The following DPP10 variants were observed in gnomAD, a reference collection of about 807,000 sequenced individuals.
DPP10 encodes the protein dipeptidyl peptidase like 10, also known as inactive dipeptidyl peptidase 10.
In DPP10, 33 loss-of-function variants were observed where a neutral mutation model predicts 120.9. The ratio of observed to expected loss-of-function variants is 0.27; its 90% CI spans 0.21 to 0.37. The LOEUF (loss-of-function observed/expected upper bound fraction) is 0.37, where lower values mean the gene tolerates loss of function less well. DPP10 is among the 10% of genes least tolerant of loss of function. DPP10 has a pLI of 1.00. For missense variants in DPP10, 816 were observed against 942.8 expected, an observed-to-expected ratio of 0.87 and a Z score of 1.76; for synonymous variants, 337 against 326.1, an observed-to-expected ratio of 1.03 and a Z score of -0.36.
chr2:115,529,985 G>A (rs1414741028), intron 5 of DPP10, among the ~76,000 whole-genome samples: 1 of 151,958 alleles, frequency 6.6e-6, no homozygotes, highest in African/African-American at 2.4e-5. Flanking sequence ...GGACAAAATA[G>A]GGCACAAACT....
At chr2:115,450,463 T>A (rs1427158103) in intron 3 of DPP10, among the ~76,000 whole-genome samples, 1 of 151,916 alleles carries the variant, frequency 6.6e-6, no homozygotes, top group Non-Finnish European at 1.5e-5. Flanking sequence ...TCAACTGAGA[T>A]TTTTTTATTG....
At chr2:115,259,148 C>G (rs1045511180) in intron 1 of DPP10, among the ~76,000 whole-genome samples, 4 of 152,126 alleles carry the variant, frequency 2.6e-5, no homozygotes, top group Admixed American at 2.6e-4. Flanking sequence ...GAATTCCAAT[C>G]ATCCTGCCTA....
intron 8 of DPP10, among the ~76,000 whole-genome samples, chr2:115,739,387 A>T (rs1452527716): frequency 6.6e-6 from 1 of 152,056 alleles, no homozygotes. Flanking sequence ...ATATGATTAC[A>T]TGCAAATGTG....
intron 3 of DPP10, among the ~76,000 whole-genome samples, chr2:115,363,168 T>G (rs1382194057): frequency 6.6e-6 from 1 of 152,214 alleles, no homozygotes; most frequent in East Asian, 1.9e-4. Context: ...GTATATATTT[T>G]TCCCTTCTCC....
intron 1 of DPP10, among the ~76,000 whole-genome samples, chr2:114,903,632 G>A (rs1421167276): frequency 1.3e-5 from 2 of 152,146 alleles, no homozygotes; most frequent in Non-Finnish European, 1.5e-5. Context: ...AGATGAATTT[G>A]GGGAGAATTG....
At chr2:114,986,167 A>G (rs1165139382) in intron 1 of DPP10, among the ~76,000 whole-genome samples, 1 of 152,224 alleles carries the variant, frequency 6.6e-6, no homozygotes, top group Non-Finnish European at 1.5e-5. Context: ...AAAATAATCA[A>G]ATGGTAAAAT....
intron 8 of DPP10, among the ~76,000 whole-genome samples, chr2:115,731,067 A>C (rs957890151): frequency 6.6e-6 from 1 of 152,264 alleles, no homozygotes; most frequent in South Asian, 2.1e-4. Context: ...TCTACTAAAA[A>C]TACAAAAAAA....
At chr2:115,652,407 ATATG>A (rs1041945226) in intron 5 of DPP10, among the ~76,000 whole-genome samples, 10 of 117,124 alleles carry the variant, frequency 8.5e-5, no homozygotes, top group African/African-American at 2.0e-4. Flanking sequence ...AATAGGATAT[ATATG>A]TGTGTGTGTG....
intron 1 of DPP10, among the ~76,000 whole-genome samples, chr2:114,629,361 T>C (rs771538464): frequency 5.9e-5 from 9 of 152,236 alleles, no homozygotes; most frequent in East Asian, 3.9e-4. Flanking sequence ...AAAATCAAAG[T>C]GATAACATGT....
intron 1 of DPP10, among the ~76,000 whole-genome samples, chr2:114,985,416 T>G (rs370928259): frequency 6.6e-6 from 1 of 152,230 alleles, no homozygotes; most frequent in Non-Finnish European, 1.5e-5. Flanking sequence ...TAAATTATCT[T>G]GCGTACTTAT....
At chr2:114,775,620 T>A (rs1681656095) in intron 1 of DPP10, among the ~76,000 whole-genome samples, 1 of 152,180 alleles carries the variant, frequency 6.6e-6, no homozygotes, top group South Asian at 2.1e-4. Flanking sequence ...CCTAGAAAGT[T>A]TGCATTCTCT....
chr2:114,450,792 A>G (rs1678224080), intron 1 of DPP10, among the ~76,000 whole-genome samples: 1 of 152,050 alleles, frequency 6.6e-6, no homozygotes, highest in South Asian at 2.1e-4. Flanking sequence ...CTGTGACCAA[A>G]CAGAGACAAC....
At chr2:114,889,571 A>G (rs1025048758) in intron 1 of DPP10, among the ~76,000 whole-genome samples, 6 of 152,242 alleles carry the variant, frequency 3.9e-5, no homozygotes, top group Middle Eastern at 3.4e-3. Context: ...AACATTCTAT[A>G]TAATATTGCA....
intron 1 of DPP10, among the ~76,000 whole-genome samples, chr2:114,850,358 A>G (rs989692392): frequency 6.6e-6 from 1 of 152,142 alleles, no homozygotes; most frequent in South Asian, 2.1e-4. Flanking sequence ...ACTCAAACTT[A>G]TCTAAAAAGA....
At chr2:115,391,162 T>A (rs978026098) in intron 3 of DPP10, among the ~76,000 whole-genome samples, 2 of 152,170 alleles carry the variant, frequency 1.3e-5, no homozygotes, top group Admixed American at 6.5e-5. Context: ...ATCAACATAA[T>A]CATTTTTGGA....
chr2:114,745,458 A>C (rs2106007666), intron 1 of DPP10, among the ~76,000 whole-genome samples: 1 of 152,376 alleles, frequency 6.6e-6, no homozygotes, highest in South Asian at 2.1e-4. Context: ...TTTTAATTCA[A>C]GGTCAGAATT....
At chr2:115,494,052 G>A (rs573442743) in intron 3 of DPP10, among the ~76,000 whole-genome samples, 6 of 152,098 alleles carry the variant, frequency 3.9e-5, no homozygotes, top group Non-Finnish European at 5.9e-5. Flanking sequence ...AGGTTCAAGC[G>A]ATTCTCCTGC....
intron 10 of DPP10, among the ~76,000 whole-genome samples, chr2:115,747,717 C>T (rs1266299716): frequency 6.6e-6 from 1 of 151,934 alleles, no homozygotes; most frequent in African/African-American, 2.4e-5. Context: ...CCTCAGCCTA[C>T]TGAATAGCTG....
intron 1 of DPP10, among the ~76,000 whole-genome samples, chr2:115,178,276 T>C (rs1331516818): frequency 2.0e-5 from 3 of 152,164 alleles, no homozygotes; most frequent in Non-Finnish European, 4.4e-5. Flanking sequence ...CCTGAGACAC[T>C]GTCTACCGGA....
Sources: gnomAD v4.1 joint callset for allele counts (sites outside exome capture counted in the v4.1 genomes callset) on GRCh38, gnomAD v4.1.1 for gene constraint, MANE v1.5 for transcripts, NCBI Gene and HGNC (gene_info 2026-07-23, HGNC 2026-07-21) for gene names.